The following CLN6 variants were observed in gnomAD, a reference collection of about 807,000 sequenced individuals.
CLN6 encodes ceroid-lipofuscinosis neuronal protein 6.
CLN6 carries 22 observed loss-of-function variants against 33.3 expected under a neutral mutation model. The observed-to-expected ratio is 0.66, with a 90% confidence interval of 0.47 to 0.94. The LOEUF is 0.94. CLN6 is among the 40% of genes least tolerant of loss of function. The probability of loss-of-function intolerance (pLI) is 0.00; values close to 1 mark genes in which losing one functional copy is unlikely to be tolerated. For missense variants in CLN6, 387 were observed against 417.1 expected (o/e 0.93, Z 0.63); for synonymous variants, 201 against 174.6 (o/e 1.15, Z -1.19).
chr15:68,248,746 AT>A (rs1252775961), intron 1 of CLN6, among the ~76,000 whole-genome samples: 1 of 152,128 alleles, frequency 6.6e-6, no homozygotes, highest in Non-Finnish European at 1.5e-5. Context: ...CAGGGCAAAG[AT>A]TTTTTTGTGT....
Position 68,209,558 on chromosome 15 carries a change from T to C in CLN6, c.665+79A>G. 1 of 1,584,986 alleles carries C rather than the reference T, an allele frequency of 6.3e-7. No individual in the cohort carries two copies. Among genetic ancestry groups the C allele is most frequent in the Non-Finnish European group, 8.6e-7 (1 of 1,163,932 alleles). Reference sequence around the variant, plus strand: ...AGTCTCCCTGGGGCCACACAGCAGGTCCATTGGCAAGTGCAGAATTTTGCT... The same window carrying C: ...AGTCTCCCTGGGGCCACACAGCAGGCCCATTGGCAAGTGCAGAATTTTGCT... On this transcript the variant is annotated intron_variant, in intron 6 of 6. Coordinates refer to ENST00000249806, the MANE Select transcript of CLN6 (RefSeq NM_017882.3). This position sits in a 1 kb window ranked among gnomAD's most constrained non-coding sequence, Gnocchi z 4.9.
At chr15:68,215,841 ATG>A (rs1232264396) in intron 2 of CLN6, among the ~76,000 whole-genome samples, 1 of 152,186 alleles carries the variant, frequency 6.6e-6, no homozygotes, top group African/African-American at 2.4e-5. Flanking sequence ...GGATGTATAT[ATG>A]TGTTTGTACA....
chr15:68,215,519 T>TTGAGA (rs2093218377), intron 2 of CLN6: 1 of 152,188 alleles, frequency 6.6e-6, no homozygotes, highest in African/African-American at 2.4e-5. Flanking sequence ...TTCTTTTTTA[T>TTGAGA]TGAGATGAGG....
At chr15:68,235,416 T>A (rs531711355) in intron 1 of CLN6, among the ~76,000 whole-genome samples, 1 of 152,044 alleles carries the variant, frequency 6.6e-6, no homozygotes, top group South Asian at 2.1e-4. Flanking sequence ...CAACCTGAGC[T>A]CTGTATAGTC....
chr15:68,240,617 C>A (rs6494724), intron 1 of CLN6, among the ~76,000 whole-genome samples: 83,635 of 151,156 alleles, frequency 0.55, 23,763 homozygotes, highest in African/African-American at 0.63. Flanking sequence ...TAAATATATA[C>A]ATAAAATAAA....
chr15:68,219,961 G>A lies in CLN6; in HGVS notation c.84-1311C>T, dbSNP rs1040480283. Among the ~76,000 whole-genome samples, 1 of 152,192 alleles carries A rather than the reference G, an allele frequency of 6.6e-6. No individual in the cohort carries two copies. The highest frequency in any genetic ancestry group is 1.5e-5 in the Non-Finnish European group (1 of 68,032). The stretch of plus-strand genomic sequence containing the variant: ...ACTGGCTGATTAAAACAGTCACAAC[G>A]ACCAGTTACTCCTTTTGTAGTGGCA... On this transcript the variant is annotated intron_variant, in intron 1 of 6. Transcript: ENST00000249806. This position sits in a 1 kb window ranked among gnomAD's most constrained non-coding sequence, Gnocchi z 4.2.
chr15:68,250,556 C>T (rs1892368191), intron 1 of CLN6, among the ~76,000 whole-genome samples: 1 of 144,504 alleles, frequency 6.9e-6, no homozygotes. Flanking sequence ...ATCCGGGAGG[C>T]GAAGGTTGCA....
At position 68,240,555 on chromosome 15, in the gene CLN6, C is replaced by T. The variant is rs55811462; in HGVS notation, c.179+16135G>A. On this transcript the variant is annotated intron_variant, in intron 1 of 6. Transcript: ENST00000538696. ...AGCAGAGGTTGCCCTGAGCTGAGAT[C>T]GTGCCACTGCACTGCAGCGTGGGCA... Among the ~76,000 whole-genome samples the T allele has an allele frequency of 4.0e-3, 604 of 152,222 alleles. 1 individual carries two copies. Among genetic ancestry groups the T allele is most frequent in the African/African-American group, 0.013 (550 of 41,522 alleles).
intron 1 of CLN6, among the ~76,000 whole-genome samples, chr15:68,226,817 G>C (rs1279332600): frequency 6.8e-6 from 1 of 147,856 alleles, no homozygotes; most frequent in East Asian, 1.9e-4. Flanking sequence ...AAAAACTTAA[G>C]AGCAGGGCCT....
Position 68,208,548 on chromosome 15 carries a change from C to T in CLN6, c.666-138G>A, listed in dbSNP as rs560932429. On this transcript the variant is annotated intron_variant, in intron 6 of 6. Transcript: ENST00000249806. The surrounding 1 kb of genome is among the most constrained non-coding windows in gnomAD (Gnocchi z 5.8). The stretch of plus-strand genomic sequence containing the variant: ...GGTGCCAGGGCTCAGAGAACTATGC[C>T]GCTCTAAGCCACAGCCCATGGGCAG... 14 of 845,996 alleles carry T rather than the reference C, an allele frequency of 1.7e-5. No individual in the cohort carries two copies. Among genetic ancestry groups the T allele is most frequent in the Non-Finnish European group, 2.3e-5 (12 of 526,968 alleles). The allele number at this position is 845,996 out of a possible 1,614,324, so 52.4% of individuals were successfully genotyped here. A position where few individuals can be genotyped will look rare whatever the true frequency, so the allele number is the denominator to read the frequency against.
rs1021998074 is a variant in CLN6 at position 68,242,844 on chromosome 15, G to C, written c.179+13846C>G. 5.3e-5 allele frequency among the ~76,000 whole-genome samples: 8 copies of C among 152,278 alleles called. No individual in the cohort carries two copies. Among genetic ancestry groups the C allele is most frequent in the African/African-American group, 1.7e-4 (7 of 41,556 alleles). Reference sequence around the variant, plus strand: ...GATAGGTAAGGCCTGGGGACATGTGGAGAGCCATGCCCACCAGCTATGCTA... The same window carrying C: ...GATAGGTAAGGCCTGGGGACATGTGCAGAGCCATGCCCACCAGCTATGCTA... On this transcript the variant is annotated intron_variant, in intron 1 of 6. Coordinates refer to the CLN6 transcript ENST00000538696. This position sits in a 1 kb window ranked among gnomAD's most constrained non-coding sequence, Gnocchi z 5.0.
rs1194940137 is a variant in CLN6 at position 68,208,187 on chromosome 15, G to T, written c.889C>A (p.Pro297Thr). ...AGGGTGTAGAAAGCCCAGGGCTCAG[G>T]GACGTAGATGACACCCGGGTACTTC... ...RKKYPGVIYV[P>T]EPWAFYTLHV... The change falls in exon 7 of 7, where the codon CCT becomes ACT. Residue 297 changes from proline to threonine, a missense_variant. Pro to Thr is a conservative substitution (Grantham distance 38, BLOSUM62 -1). Coordinates refer to ENST00000249806, the MANE Select transcript of CLN6 (RefSeq NM_017882.3). The surrounding 1 kb of genome is among the most constrained non-coding windows in gnomAD (Gnocchi z 5.8). 1.2e-6 allele frequency: 2 copies of T among 1,613,106 alleles called. No individual in the cohort carries two copies. Among genetic ancestry groups the T allele is most frequent in the South Asian group, 2.2e-5 (2 of 91,030 alleles).
Position 68,218,629 on chromosome 15 carries a change from A to G in CLN6, c.105T>C (p.Asp35=). 1 of 1,613,406 alleles carries G rather than the reference A, an allele frequency of 6.2e-7. No individual in the cohort carries two copies. Among genetic ancestry groups the G allele is most frequent in the Non-Finnish European group, 8.5e-7 (1 of 1,179,536 alleles). ...LQARHGSVSA[D]EAARTAPFHL... is the part of the protein sequence containing the mutation. The stretch of plus-strand genomic sequence containing the variant: ...GGAAGGGAGCCGTGCGGGCAGCCTC[A>G]TCAGCGCTCACAGAGCCATGCCTGG... The change falls in exon 2 of 7, where the codon GAT becomes GAC. Residue 35 remains aspartate, a synonymous_variant. Transcript: ENST00000249806.
intron 2 of CLN6, among the ~76,000 whole-genome samples, chr15:68,216,518 C>G (rs1392778531): frequency 6.6e-6 from 1 of 152,224 alleles, no homozygotes; most frequent in Non-Finnish European, 1.5e-5. Context: ...TTACACCTAT[C>G]AAGTCTTTGA....
Position 68,218,664 on chromosome 15 carries a change from A to G in CLN6, c.84-14T>C. 6.3e-7 allele frequency: 1 copy of G among 1,598,446 alleles called. No homozygotes were observed. Among genetic ancestry groups the G allele is most frequent in the Non-Finnish European group, 8.6e-7 (1 of 1,166,316 alleles). ...ACAGAGCCATGCCTGGGAAGGAACC[A>G]GACGAGAGAAGTCAGCTCTTCTCTC... On this transcript the variant is annotated splice_polypyrimidine_tract_variant and intron_variant, in intron 1 of 6. Coordinates refer to ENST00000249806, the MANE Select transcript of CLN6 (RefSeq NM_017882.3).
At chr15:68,214,198 C>G in intron 3 of CLN6, 92 bp downstream of exon 3, 6 of 997,204 alleles carry the variant, frequency 6.0e-6, no homozygotes, top group Non-Finnish European at 9.6e-6. Flanking sequence ...CAGGAGCGTG[C>G]TTGAGTCAGG....
At chr15:68,226,791 TTTAA>T (rs2093253576) in intron 1 of CLN6, among the ~76,000 whole-genome samples, 1 of 151,812 alleles carries the variant, frequency 6.6e-6, no homozygotes, top group South Asian at 2.1e-4. Flanking sequence ...AGGGTCGTGG[TTTAA>T]TTAATACATG....
chr15:68,222,387 A>G (rs1042696885), intron 1 of CLN6, among the ~76,000 whole-genome samples: 44 of 129,756 alleles, frequency 3.4e-4, no homozygotes, highest in Non-Finnish European at 5.7e-4. Context: ...CTGGGAGGTG[A>G]GGAGCGTCTC....
At position 68,219,843 on chromosome 15, in the gene CLN6, T is replaced by C. The variant is rs2093230747; in HGVS notation, c.84-1193A>G. Reference sequence around the variant, plus strand: ...TAAGAGGACTGAGGTGTGGGTTTCATCGTCTCGTTTGTGCCAAGAACAGGC... The same window carrying C: ...TAAGAGGACTGAGGTGTGGGTTTCACCGTCTCGTTTGTGCCAAGAACAGGC... On this transcript the variant is annotated intron_variant, in intron 1 of 6. Coordinates refer to ENST00000249806, the MANE Select transcript of CLN6 (RefSeq NM_017882.3). The surrounding 1 kb of genome is among the most constrained non-coding windows in gnomAD (Gnocchi z 4.2). 6.6e-6 allele frequency among the ~76,000 whole-genome samples: 1 copy of C among 152,218 alleles called. No individual in the cohort carries two copies.
Sources: gnomAD v4.1 joint callset for allele counts (sites outside exome capture counted in the v4.1 genomes callset) on GRCh38, gnomAD v4.1.1 for gene constraint, Gnocchi (gnomAD v3.1) non-coding constraint, MANE v1.5 for transcripts, NCBI Gene and HGNC (gene_info 2026-07-23, HGNC 2026-07-21) for gene names.